CIB2: variants seen among roughly 807,000 people sequenced by gnomAD.
CIB2 encodes the protein calcium and integrin-binding family member 2.
CIB2 carries 19 observed loss-of-function variants against 23.1 expected under a neutral mutation model. That is an observed-to-expected ratio of 0.82 (90% CI 0.57 to 1.21). The LOEUF (loss-of-function observed/expected upper bound fraction) is 1.21, where lower values mean the gene tolerates loss of function less well. Ranked by LOEUF, CIB2 falls within the 50% of genes most tolerant of loss-of-function variation. The pLI is 0.00. For missense variants in CIB2, 220 were observed against 241.5 expected, an observed-to-expected ratio of 0.91 and a Z score of 0.59; for synonymous variants, 94 against 91.7, an observed-to-expected ratio of 1.03 and a Z score of -0.14.
intron 1 of CIB2, 85 bp from the exon 2 acceptor site, chr15:78,123,824 AG>A (rs1396820835): frequency 6.8e-6 from 10 of 1,473,580 alleles, no homozygotes; most frequent in Non-Finnish European, 9.5e-6. Context: ...CAGGGCTCAC[AG>A]GGGATAGCTC....
intron 1 of CIB2, among the ~76,000 whole-genome samples, chr15:78,129,568 G>A (rs563258665): frequency 3.9e-5 from 6 of 152,240 alleles, no homozygotes; most frequent in African/African-American, 1.4e-4. Context: ...GTGCTGTATC[G>A]TTTCTGGACT....
chr15:78,111,841 G>A (rs2074165086), intron 2 of CIB2, among the ~76,000 whole-genome samples: 1 of 152,188 alleles, frequency 6.6e-6, no homozygotes, highest in South Asian at 2.1e-4. Context: ...ACACTCCTGA[G>A]GGTCCATCAA....
chr15:78,111,020 A>G, intron 3 of CIB2, 145 bp downstream of exon 3: 1 of 718,736 alleles, frequency 1.4e-6, no homozygotes, highest in Non-Finnish European at 2.5e-6. Flanking sequence ...CAGATGAGGA[A>G]ACTGAGGCAC....
At chr15:78,119,853 G>A (rs1247975844) in intron 2 of CIB2, among the ~76,000 whole-genome samples, 2 of 151,646 alleles carry the variant, frequency 1.3e-5, no homozygotes, top group Non-Finnish European at 2.9e-5. Flanking sequence ...TTAAAGGAGT[G>A]AGCCACTGCG....
At chr15:78,116,267 G>A (rs1411044672) in intron 2 of CIB2, among the ~76,000 whole-genome samples, 2 of 151,898 alleles carry the variant, frequency 1.3e-5, no homozygotes, top group East Asian at 1.9e-4. Flanking sequence ...TGAGACCAGC[G>A]TGGGCAAAAC....
chr15:78,110,186 A>G (rs985132000), intron 3 of CIB2, among the ~76,000 whole-genome samples: 2 of 152,196 alleles, frequency 1.3e-5, no homozygotes, highest in Non-Finnish European at 2.9e-5. Context: ...GCCTTCCTAG[A>G]TCCCCAAATC....
At chr15:78,123,823 C>G in intron 1 of CIB2, 84 bp from the exon 2 acceptor site, 1 of 1,472,328 alleles carries the variant, frequency 6.8e-7, no homozygotes, top group Non-Finnish European at 9.5e-7. Flanking sequence ...ACAGGGCTCA[C>G]AGGGGATAGC....
At position 78,106,193 on chromosome 15, in the gene CIB2, C is replaced by T. The variant is rs3784324; in HGVS notation, c.347-259G>A. Among the ~76,000 whole-genome samples, 15 of 152,332 alleles carry T rather than the reference C, an allele frequency of 9.8e-5. No individual in the cohort carries two copies. The East Asian group carries it at 2.7e-3, about 27-fold the overall frequency. On this transcript the variant is annotated intron_variant, in intron 4 of 5. Transcript: ENST00000258930. Reference sequence around the variant, plus strand: ...CACATCCTGAAGCAGGTCAAAAGTCCAAATCTGAGGTTTCCTGAGAACTTC... The same window carrying T: ...CACATCCTGAAGCAGGTCAAAAGTCTAAATCTGAGGTTTCCTGAGAACTTC...
chr15:78,127,094 G>A (rs574788331), intron 1 of CIB2, among the ~76,000 whole-genome samples: 1 of 152,304 alleles, frequency 6.6e-6, no homozygotes, highest in Admixed American at 6.5e-5. Flanking sequence ...AATGAGATAA[G>A]GTACAGGAAG....
intron 4 of CIB2, among the ~76,000 whole-genome samples, chr15:78,108,264 C>T (rs1429266497): frequency 1.3e-5 from 2 of 151,676 alleles, no homozygotes; most frequent in African/African-American, 2.4e-5. Context: ...CCCTGATAGG[C>T]CCTGCTGCCT....
At chr15:78,116,421 C>T (rs1044197039) in intron 2 of CIB2, among the ~76,000 whole-genome samples, 3 of 150,530 alleles carry the variant, frequency 2.0e-5, no homozygotes, top group Admixed American at 6.6e-5. Flanking sequence ...GAGCCATGAT[C>T]GCACCACTGC....
In CIB2 at chr15:78,105,824, T is replaced by C. The variant is rs758562068; in HGVS notation, c.457A>G (p.Ile153Val). The C allele has an allele frequency of 6.2e-7, 1 of 1,614,200 alleles. No individual in the cohort carries two copies. The highest frequency in any genetic ancestry group is 1.1e-5 in the South Asian group (1 of 91,088). ...TCACCGTCCAAGTCAGCCTCCTCAATGACCTTGTCGCACACAAGCACCACC... is the reference window on the plus strand; with the variant it reads ...TCACCGTCCAAGTCAGCCTCCTCAACGACCTTGTCGCACACAAGCACCACC... ...EEVVLVCDKV[I>V]EEADLDGDGK... The change falls in exon 5 of 6, where the codon ATT becomes GTT. Residue 153 changes from isoleucine to valine, a missense_variant. Physicochemically the swap from Ile to Val is conservative, Grantham distance 29. Transcript: ENST00000258930.
chr15:78,126,596 G>GCTGTGTATTCCTATACTTATACA (rs1235780615), intron 1 of CIB2, among the ~76,000 whole-genome samples: 3 of 152,208 alleles, frequency 2.0e-5, no homozygotes, highest in Non-Finnish European at 4.4e-5. Flanking sequence ...TCCTGCGTCT[G>GCTGTGTATTCCTATACTTATACA]CTGTGTATTC....
intron 3 of CIB2, among the ~76,000 whole-genome samples, chr15:78,110,489 A>G (rs927263016): frequency 3.9e-5 from 6 of 152,226 alleles, no homozygotes; most frequent in Non-Finnish European, 1.5e-5. Context: ...TTCAAGCCAC[A>G]CATCCCAGGC....
Position 78,109,382 on chromosome 15 carries a change from C to G in CIB2, c.199G>C (p.Glu67Gln). The change falls in exon 4 of 6, where the codon GAG becomes CAG. Residue 67 changes from glutamate (E) to glutamine (Q), a missense_variant and splice_region_variant. Physicochemically the swap from Glu to Gln is conservative, Grantham distance 29. Coordinates refer to ENST00000258930, the MANE Select transcript of CIB2 (RefSeq NM_006383.4). ...ACGATCCTTTCTTTGAAGGGATTCT[C>G]CTGAAGAAAACACACACAGCAATCA... ...SLIIQMPELRENPFKERIVAA... is the reference protein window; with the variant it reads ...SLIIQMPELRQNPFKERIVAA... The G allele has an allele frequency of 6.2e-7, 1 of 1,614,070 alleles. No homozygotes were observed. Among genetic ancestry groups the G allele is most frequent in the South Asian group, 1.1e-5 (1 of 91,082 alleles).
Position 78,131,269 on chromosome 15 carries a change from C to T in CIB2, c.-54G>A. The T allele has an allele frequency of 7.4e-7, 1 of 1,347,708 alleles. No homozygotes were observed. Among genetic ancestry groups the T allele is most frequent in the Non-Finnish European group, 9.6e-7 (1 of 1,038,122 alleles). The allele number at this position is 1,347,708 out of a possible 1,614,324, so 83.5% of individuals were successfully genotyped here. ...CCGGGCTCCGACTCCCATCAGCGGC[C>T]GCCAGACCCGGAGCCAGCGCCCCGT... On this transcript the variant is annotated 5_prime_UTR_variant, in exon 1 of 6. Coordinates refer to ENST00000258930, the MANE Select transcript of CIB2 (RefSeq NM_006383.4). This position sits in a 1 kb window ranked among gnomAD's most constrained non-coding sequence, Gnocchi z 5.8.
intron 1 of CIB2, among the ~76,000 whole-genome samples, chr15:78,129,967 A>G (rs2074432090): frequency 6.6e-6 from 1 of 152,136 alleles, no homozygotes; most frequent in African/African-American, 2.4e-5. Context: ...CCAGGGCCTC[A>G]CCTGGGGAGC....
intron 1 of CIB2, 99 bp from the exon 2 acceptor site, chr15:78,123,838 G>C: frequency 2.9e-6 from 4 of 1,358,238 alleles, no homozygotes; most frequent in Non-Finnish European, 3.2e-6. Flanking sequence ...GATAGCTCCG[G>C]ACTGGGGACA....
chr15:78,117,275 A>AAAAAAAAAAAAAATT (rs2074254789), intron 2 of CIB2, among the ~76,000 whole-genome samples: 1 of 139,260 alleles, frequency 7.2e-6, no homozygotes, highest in Admixed American at 7.2e-5. Flanking sequence ...AAAAAAAAAA[A>AAAAAAAAAAAAAATT]GTTTGTTTAA....
Sources: gnomAD v4.1 joint callset for allele counts (sites outside exome capture counted in the v4.1 genomes callset) on GRCh38, gnomAD v4.1.1 for gene constraint, Gnocchi (gnomAD v3.1) non-coding constraint, MANE v1.5 for transcripts, NCBI Gene and HGNC (gene_info 2026-07-23, HGNC 2026-07-21) for gene names.